Variants in DMD observed in about 807,000 individuals in gnomAD.
DMD encodes the protein mutant dystrophin.
In DMD, 63 loss-of-function variants were observed where a neutral mutation model predicts 330.1. The ratio of observed to expected loss-of-function variants is 0.19; its 90% CI spans 0.16 to 0.24. DMD has a LOEUF of 0.24. Ranked by LOEUF, DMD falls within the 10% of genes least tolerant of loss-of-function variation. The pLI, the probability that DMD is intolerant of heterozygous loss-of-function variation, is 1.00. For missense variants in DMD, 3,344 were observed against 2,684.1 expected (o/e 1.25, Z -5.43); for synonymous variants, 1,223 against 959.8 (o/e 1.27, Z -5.07).
At chrX:31,162,356 TA>T (rs57908991) in intron 74 of DMD, among the ~76,000 whole-genome samples, 34 of 50,619 alleles carry the variant, frequency 6.7e-4, no homozygotes, top group African/African-American at 1.3e-3. Context: ...ATGAAAAATC[TA>T]AAAAAAAAAA....
chrX:32,256,072 C>T (rs1326498011), intron 43 of DMD, among the ~76,000 whole-genome samples: 1 of 111,520 alleles, frequency 9.0e-6, no homozygotes, highest in South Asian at 3.7e-4. Context: ...CTAATATTGA[C>T]AGTGGAGTAT....
At chrX:31,949,659 T>C (rs938479903) in intron 45 of DMD, among the ~76,000 whole-genome samples, 1 of 111,296 alleles carries the variant, frequency 9.0e-6, no homozygotes, top group African/African-American at 3.3e-5. Context: ...GGTTTTTTTG[T>C]TGGAAAATTT....
chrX:31,522,506 G>A lies in DMD; in HGVS notation c.8218-15053C>T, dbSNP rs150123173. Among the ~76,000 whole-genome samples, 871 of 105,763 alleles carry A rather than the reference G, an allele frequency of 8.2e-3. 30 individuals are homozygous for A. The East Asian group carries it at 0.13, about 16-fold the overall frequency. The allele number at this position is 105,763 out of a possible 115,157, so 91.8% of individuals were successfully genotyped here. On this transcript the variant is annotated intron_variant, in intron 55 of 78. Coordinates refer to ENST00000357033, the MANE Select transcript of DMD (RefSeq NM_004006.3). Reference sequence around the variant, plus strand: ...GATTTTTTGGTAACATCATCTTGGTGGCAGTGAAAAGGTACATTAGAGGCA... The same window carrying A: ...GATTTTTTGGTAACATCATCTTGGTAGCAGTGAAAAGGTACATTAGAGGCA...
chrX:31,840,058 C>T (rs1214738652), intron 48 of DMD, among the ~76,000 whole-genome samples: 1 of 111,065 alleles, frequency 9.0e-6, no homozygotes, highest in Non-Finnish European at 1.9e-5. Context: ...ACTCATCGAG[C>T]ATAGGAAGTC....
chrX:32,728,283 T>C (rs1425536819), intron 7 of DMD, among the ~76,000 whole-genome samples: 1 of 112,008 alleles, frequency 8.9e-6, no homozygotes, highest in Non-Finnish European at 1.9e-5. Flanking sequence ...AGCAAGTCAG[T>C]ATTACACGCA....
chrX:32,380,715 A>T, intron 33 of DMD, 35 bp from the exon 34 acceptor site: 14 of 1,152,271 alleles, frequency 1.2e-5, no homozygotes, highest in Non-Finnish European at 1.6e-5. Flanking sequence ...AATTTAGTTT[A>T]CTCTTTAATT....
At chrX:31,655,926 T>C (rs779545563) in intron 54 of DMD, among the ~76,000 whole-genome samples, 4 of 112,023 alleles carry the variant, frequency 3.6e-5, no homozygotes, top group Non-Finnish European at 7.5e-5. Context: ...GAGAAAGAGA[T>C]TGGAAGAAGG....
rs1055092744 is a variant in DMD, at chrX:31,831,862, A to C, written c.7200+4856T>G. ...TGTGATCCGCCCACCTTGGCCTCCC[A>C]AAGTGCTGGTATTACAGGCGCGAGC... is the stretch of plus-strand genomic sequence containing the variant. On this transcript the variant is annotated intron_variant, in intron 49 of 78. Transcript: ENST00000357033. Among the ~76,000 whole-genome samples the C allele has an allele frequency of 1.1e-4, 12 of 112,629 alleles. No individual in the cohort carries two copies. The East Asian group carries it at 3.1e-3, about 29-fold the overall frequency.
chrX:32,631,649 A>G (rs2058736774), intron 11 of DMD, among the ~76,000 whole-genome samples: 1 of 111,472 alleles, frequency 9.0e-6, no homozygotes, highest in South Asian at 3.8e-4. Context: ...GCAAATTGCG[A>G]AGGAGGAGCA....
chrX:31,173,511 T>G, intron 72 of DMD, 28 bp downstream of exon 72: 1 of 1,188,613 alleles, frequency 8.4e-7, no homozygotes, highest in Non-Finnish European at 1.1e-6. Flanking sequence ...TCAATCAATA[T>G]TTGCCTGGCA....
intron 1 of DMD, among the ~76,000 whole-genome samples, chrX:33,182,595 T>A (rs1316344158): frequency 4.5e-5 from 5 of 111,031 alleles, no homozygotes; most frequent in African/African-American, 1.6e-4. Flanking sequence ...TGAGTCTTAA[T>A]CAAAGTAGCA....
chrX:32,568,900 A>G (rs980540017), intron 15 of DMD, among the ~76,000 whole-genome samples: 2 of 112,112 alleles, frequency 1.8e-5, no homozygotes, highest in Non-Finnish European at 3.8e-5. Context: ...TTACATGTGC[A>G]TATTAAATAA....
chrX:32,730,200 C>G (rs905961127), intron 7 of DMD, among the ~76,000 whole-genome samples: 2 of 111,917 alleles, frequency 1.8e-5, no homozygotes, highest in Non-Finnish European at 3.8e-5. Flanking sequence ...TTTAAATGTA[C>G]CTCTGCATTG....
intron 15 of DMD, among the ~76,000 whole-genome samples, chrX:32,569,231 T>A (rs1347466): frequency 0.017 from 1,871 of 111,610 alleles, 42 homozygotes; most frequent in African/African-American, 0.058. Context: ...AGATAATGTA[T>A]CCTTACAAAA....
intron 55 of DMD, among the ~76,000 whole-genome samples, chrX:31,598,036 C>T (rs1497441): frequency 0.067 from 7,423 of 110,391 alleles, 194 homozygotes; most frequent in African/African-American, 0.1. Flanking sequence ...AAGCACTACA[C>T]AAATGGTTGT....
intron 17 of DMD, among the ~76,000 whole-genome samples, chrX:32,541,406 T>A (rs1021738131): frequency 8.9e-6 from 1 of 111,967 alleles, no homozygotes; most frequent in Non-Finnish European, 1.9e-5. Context: ...ACTGCATTTA[T>A]TGAATGTTTA....
At chrX:31,357,378 G>GAAAA (rs765192328) in intron 60 of DMD, among the ~76,000 whole-genome samples, 1 of 81,326 alleles carries the variant, frequency 1.2e-5, no homozygotes, top group African/African-American at 4.6e-5. Flanking sequence ...GGTATTGTCC[G>GAAAA]AAAAAAAAAA....
At chrX:31,267,135 G>GAAAGAAAGAAAGAAAGAA (rs1381884025) in intron 62 of DMD, among the ~76,000 whole-genome samples, 5 of 110,566 alleles carry the variant, frequency 4.5e-5, no homozygotes, top group Non-Finnish European at 9.5e-5. Context: ...AAGAAAGAAA[G>GAAAGAAAGAAAGAAAGAA]AGGATGGGGA....
At chrX:33,105,497 C>T (rs2095278092) in intron 1 of DMD, among the ~76,000 whole-genome samples, 1 of 112,114 alleles carries the variant, frequency 8.9e-6, no homozygotes, top group Non-Finnish European at 1.9e-5. Context: ...AGAAAACCGA[C>T]AGAATGGAAA....
Sources: allele counts gnomAD v4.1 joint callset (sites outside exome capture counted in the v4.1 genomes callset), GRCh38; gene constraint gnomAD v4.1.1; transcripts MANE v1.5; gene names NCBI Gene and HGNC (gene_info 2026-07-23, HGNC 2026-07-21).